The following SGCZ variants were observed in gnomAD, a reference collection of about 807,000 sequenced individuals.
The protein encoded by SGCZ is sarcoglycan zeta.
In SGCZ, 40 loss-of-function variants were observed where a neutral mutation model predicts 41.3. The ratio of observed to expected loss-of-function variants is 0.97; its 90% confidence interval spans 0.75 to 1.26. The LOEUF (loss-of-function observed/expected upper bound fraction) is 1.26, where lower values mean the gene tolerates loss of function less well. Among genes scored for constraint, SGCZ ranks in the 50% most tolerant of loss-of-function variants. The probability of loss-of-function intolerance (pLI) is 0.00; values close to 1 mark genes in which losing one functional copy is unlikely to be tolerated. For missense variants in SGCZ, 552 were observed against 369.8 expected, an observed-to-expected ratio of 1.49 and a Z score of -4.04; for synonymous variants, 206 against 137.5, an observed-to-expected ratio of 1.50 and a Z score of -3.49.
intron 2 of SGCZ, among the ~76,000 whole-genome samples, chr8:14,468,436 C>G (rs1324158119): frequency 1.3e-5 from 2 of 152,076 alleles, no homozygotes; most frequent in Middle Eastern, 3.4e-3. Context: ...AATTATTTTG[C>G]ACTCTCAAAA....
Position 14,843,912 on chromosome 8 carries a change from C to T in SGCZ, c.40-288986G>A, listed in dbSNP as rs1419097960. On this transcript the variant is annotated intron_variant, in intron 1 of 7. Coordinates refer to ENST00000382080, the MANE Select transcript of SGCZ (RefSeq NM_139167.4). ...CCCAAATATCAGCCTCTGATGAACA[C>T]TGTACTATGCCTGAAATAAGAAAAA... 4.6e-5 allele frequency among the ~76,000 whole-genome samples: 7 copies of T among 151,798 alleles called. No homozygotes were observed. The East Asian group carries it at 1.4e-3, about 29-fold the overall frequency.
rs1459762381 is a variant in SGCZ at position 14,835,077 on chromosome 8, A to G, written c.40-280151T>C. ...ATTCAAAATGATATAATTTCCTGTG[A>G]AATAGTTAGATTGCAATCTCTCATC... is the stretch of plus-strand genomic sequence containing the variant. On this transcript the variant is annotated intron_variant, in intron 1 of 7. Transcript: ENST00000382080. Among the ~76,000 whole-genome samples, 4 of 152,194 alleles carry G rather than the reference A, an allele frequency of 2.6e-5. 1 individual carries two copies. Among genetic ancestry groups the G allele is most frequent in the African/African-American group, 9.7e-5 (4 of 41,448 alleles).
intron 1 of SGCZ, among the ~76,000 whole-genome samples, chr8:15,092,573 T>C (rs1049934314): frequency 2.0e-5 from 3 of 152,210 alleles, no homozygotes; most frequent in African/African-American, 7.2e-5. Context: ...AAATAAATTC[T>C]TTAAAATCTG....
At chr8:14,612,618 T>A (rs1439186283) in intron 1 of SGCZ, among the ~76,000 whole-genome samples, 1 of 152,198 alleles carries the variant, frequency 6.6e-6, no homozygotes, top group Non-Finnish European at 1.5e-5. Flanking sequence ...TCAGATATTT[T>A]TATGAGGACA....
intron 1 of SGCZ, among the ~76,000 whole-genome samples, chr8:15,186,477 A>C (rs1254224509): frequency 1.3e-5 from 2 of 152,104 alleles, no homozygotes; most frequent in Non-Finnish European, 2.9e-5. Flanking sequence ...AATGAAAGGA[A>C]GGTAGAATTT....
Position 14,302,135 on chromosome 8 carries a change from C to G in SGCZ, c.336+21968G>C, listed in dbSNP as rs1046968411. Among the ~76,000 whole-genome samples the G allele has an allele frequency of 3.9e-4, 59 of 150,808 alleles. 2 individuals are homozygous for G. Among genetic ancestry groups the G allele is most frequent in the Admixed American group, 3.9e-3 (58 of 14,908 alleles). Reference sequence around the variant, plus strand: ...ATTGAATCAAAATGTGGGAGAGGAACCTATTATGTTATATTAATTTTTTTA... The same window carrying G: ...ATTGAATCAAAATGTGGGAGAGGAAGCTATTATGTTATATTAATTTTTTTA... On this transcript the variant is annotated intron_variant, in intron 3 of 7. Transcript: ENST00000382080.
intron 1 of SGCZ, among the ~76,000 whole-genome samples, chr8:15,163,605 G>A (rs1799574587): frequency 6.6e-6 from 1 of 152,012 alleles, no homozygotes; most frequent in Non-Finnish European, 1.5e-5. Context: ...GATAGCTATT[G>A]CTTAACTAGA....
intron 2 of SGCZ, among the ~76,000 whole-genome samples, chr8:14,358,177 C>T (rs17119198): frequency 0.038 from 5,829 of 152,052 alleles, 339 homozygotes; most frequent in East Asian, 0.26. Flanking sequence ...CAGTGCCTGC[C>T]GTGGGCTAAA....
intron 2 of SGCZ, among the ~76,000 whole-genome samples, chr8:14,551,506 ATT>A (rs71863580): frequency 0.13 from 1,084 of 8,628 alleles, 140 homozygotes; most frequent in East Asian, 0.43. Flanking sequence ...TATTATATAT[ATT>A]ATATATATTA....
intron 1 of SGCZ, among the ~76,000 whole-genome samples, chr8:14,880,702 G>C (rs1191935225): frequency 2.0e-5 from 3 of 151,994 alleles, no homozygotes; most frequent in East Asian, 3.9e-4. Flanking sequence ...CTATCACAAA[G>C]ACAGAAAACC....
intron 2 of SGCZ, among the ~76,000 whole-genome samples, chr8:14,356,884 A>G (rs1803316155): frequency 6.6e-6 from 1 of 152,104 alleles, no homozygotes; most frequent in South Asian, 2.1e-4. Flanking sequence ...AGATTCAGAA[A>G]TAAAACAAAA....
At chr8:14,823,423 C>G (rs1802181463) in intron 1 of SGCZ, among the ~76,000 whole-genome samples, 1 of 151,878 alleles carries the variant, frequency 6.6e-6, no homozygotes, top group Non-Finnish European at 1.5e-5. Flanking sequence ...GGCAACAGAC[C>G]TTAACACACA....
intron 1 of SGCZ, among the ~76,000 whole-genome samples, chr8:14,714,478 T>C (rs185538115): frequency 6.6e-6 from 1 of 152,208 alleles, no homozygotes; most frequent in Non-Finnish European, 1.5e-5. Flanking sequence ...CGAAAAGCTA[T>C]ATGGAATATT....
chr8:14,657,687 C>T (rs746186597), intron 1 of SGCZ, among the ~76,000 whole-genome samples: 4 of 151,500 alleles, frequency 2.6e-5, no homozygotes, highest in East Asian at 1.9e-4. Context: ...GGTTCCAAAA[C>T]GTGTCTCTCT....
chr8:14,618,625 G>C (rs1300252597), intron 1 of SGCZ, among the ~76,000 whole-genome samples: 1 of 152,128 alleles, frequency 6.6e-6, no homozygotes, highest in African/African-American at 2.4e-5. Flanking sequence ...TCAGTAAAAA[G>C]TAGAGTCAAT....
intron 1 of SGCZ, among the ~76,000 whole-genome samples, chr8:14,837,720 T>C (rs1802749542): frequency 6.6e-6 from 1 of 152,142 alleles, no homozygotes; most frequent in African/African-American, 2.4e-5. Flanking sequence ...AATTTCTGTA[T>C]ATTACAATGG....
At chr8:14,712,048 C>T (rs1323493440) in intron 1 of SGCZ, among the ~76,000 whole-genome samples, 6 of 152,146 alleles carry the variant, frequency 3.9e-5, no homozygotes, top group Admixed American at 3.3e-4. Flanking sequence ...GTGGGTGGAT[C>T]ACCTGAGGTC....
At chr8:15,144,177 G>A (rs1381075805) in intron 1 of SGCZ, among the ~76,000 whole-genome samples, 1 of 152,176 alleles carries the variant, frequency 6.6e-6, no homozygotes, top group African/African-American at 2.4e-5. Flanking sequence ...GTAATAAAAG[G>A]TGATACAGAA....
intron 2 of SGCZ, among the ~76,000 whole-genome samples, chr8:14,408,886 T>A (rs954992002): frequency 6.6e-6 from 1 of 152,144 alleles, no homozygotes; most frequent in Non-Finnish European, 1.5e-5. Flanking sequence ...CAAATTCTTT[T>A]TATTCTCTTT....
Sources: allele counts gnomAD v4.1 joint callset (sites outside exome capture counted in the v4.1 genomes callset), GRCh38; gene constraint gnomAD v4.1.1; transcripts MANE v1.5; gene names NCBI Gene and HGNC (gene_info 2026-07-23, HGNC 2026-07-21).